The following PLEKHM3 variants were observed in gnomAD, a reference collection of about 807,000 sequenced individuals.
PLEKHM3 encodes pleckstrin homology domain-containing family M member 3.
A neutral mutation model predicts 81.8 loss-of-function variants in PLEKHM3; 45 were observed. The ratio of observed to expected loss-of-function variants is 0.55; its 90% CI spans 0.43 to 0.71. The LOEUF is 0.71. Among genes scored for constraint, PLEKHM3 ranks in the 30% least tolerant of loss-of-function variants. The pLI, the probability that PLEKHM3 is intolerant of heterozygous loss-of-function variation, is 0.00. For synonymous variants in PLEKHM3, 352 were observed against 356.4 expected, an observed-to-expected ratio of 0.99 and a Z score of 0.14; for missense variants, 788 against 924.3, an observed-to-expected ratio of 0.85 and a Z score of 1.91.
intron 3 of PLEKHM3, among the ~76,000 whole-genome samples, chr2:207,971,930 A>C (rs1047563446): frequency 7.2e-5 from 11 of 152,248 alleles, no homozygotes; most frequent in Non-Finnish European, 5.9e-5. Context: ...TTATAGGTCA[A>C]AAATGACTGA....
chr2:207,881,785 C>T (rs1190027284), intron 6 of PLEKHM3, among the ~76,000 whole-genome samples: 1 of 152,142 alleles, frequency 6.6e-6, no homozygotes, highest in Non-Finnish European at 1.5e-5. Context: ...TTCCCTTTCT[C>T]CTACTCTTTC....
intron 7 of PLEKHM3, among the ~76,000 whole-genome samples, chr2:207,859,263 C>T (rs1193367827): frequency 6.6e-6 from 1 of 151,476 alleles, no homozygotes; most frequent in East Asian, 1.9e-4. Flanking sequence ...CTCAGCCTCC[C>T]GAGCAGCTGG....
At chr2:207,950,156 A>G in intron 3 of PLEKHM3, among the ~76,000 whole-genome samples, 1 of 152,210 alleles carries the variant, frequency 6.6e-6, no homozygotes, top group African/African-American at 2.4e-5. Flanking sequence ...ATAAACACCT[A>G]CCTTTAGTCC....
rs1691318950 is a variant in PLEKHM3, at chr2:207,976,660, T to C, written c.1537A>G (p.Lys513Glu). Residue 513 changes from lysine to glutamate, a missense_variant, in exon 3 of 8, where the codon AAA (lysine) becomes GAA (glutamate). By Grantham distance (56) the Lys-to-Glu change is moderately conservative. Transcript: ENST00000427836. This position sits in a 1 kb window ranked among gnomAD's most constrained non-coding sequence, Gnocchi z 4.1. ...AAAATCTGCTTCATACCTGCACATT[T>C]GAAACTCTGAGCAGTGAGTCCTCGT... ...LERGLTAQSF[K>E]CAGCQRSIGL... The C allele has an allele frequency of 8.1e-6, 13 of 1,612,974 alleles. No individual in the cohort carries two copies. The highest frequency in any genetic ancestry group is 1.1e-5 in the Non-Finnish European group (13 of 1,179,388).
intron 5 of PLEKHM3, among the ~76,000 whole-genome samples, chr2:207,916,523 T>C (rs1364578443): frequency 6.6e-6 from 1 of 152,146 alleles, no homozygotes; most frequent in Non-Finnish European, 1.5e-5. Context: ...ATAGATCACC[T>C]GAGGTCAGGA....
intron 4 of PLEKHM3, among the ~76,000 whole-genome samples, chr2:207,938,930 C>G (rs139090945): frequency 5.1e-4 from 77 of 152,292 alleles, no homozygotes; most frequent in African/African-American, 1.8e-3. Context: ...CAAACAGACT[C>G]GGATCTCCTC....
chr2:207,843,836 T>C lies in PLEKHM3; in HGVS notation c.2109-15340A>G, dbSNP rs2022150. ...CGGGAGTGGTGGCTCATGCCTGTAA[T>C]CCCAGCAATTTGGGAGGCCAGGGCA... On this transcript the variant is annotated intron_variant, in intron 7 of 7. Coordinates refer to ENST00000427836, the MANE Select transcript of PLEKHM3 (RefSeq NM_001080475.3). This position sits in a 1 kb window ranked among gnomAD's most constrained non-coding sequence, Gnocchi z 4.4. 0.24 allele frequency among the ~76,000 whole-genome samples: 36,871 copies of C among 152,054 alleles called. 4,791 individuals are homozygous for C. The highest frequency in any genetic ancestry group is 0.29 in the Non-Finnish European group (19,604 of 67,972).
chr2:208,000,945 G>A (rs1400578617), intron 2 of PLEKHM3, 85 bp downstream of exon 2: 4 of 1,208,050 alleles, frequency 3.3e-6, no homozygotes, highest in African/African-American at 3.4e-5. Context: ...GTAGAAGTCA[G>A]ATATAAAAAC....
chr2:207,916,955 A>G (rs1310953925), intron 5 of PLEKHM3, among the ~76,000 whole-genome samples: 1 of 152,198 alleles, frequency 6.6e-6, no homozygotes, highest in Admixed American at 6.5e-5. Context: ...CACTGCAGAC[A>G]GTCTGTAGCA....
intron 2 of PLEKHM3, among the ~76,000 whole-genome samples, chr2:207,999,545 C>T (rs1466599663): frequency 6.6e-6 from 1 of 152,092 alleles, no homozygotes; most frequent in Non-Finnish European, 1.5e-5. Flanking sequence ...TTTGAGGCTG[C>T]AATGAGCTAC....
chr2:207,923,438 T>C (rs1689253131), intron 5 of PLEKHM3, among the ~76,000 whole-genome samples: 2 of 151,740 alleles, frequency 1.3e-5, no homozygotes, highest in Non-Finnish European at 2.9e-5. Context: ...AGAAACCCTG[T>C]CTCTACAAAA....
intron 2 of PLEKHM3, among the ~76,000 whole-genome samples, chr2:207,988,334 C>A (rs767431884): frequency 8.5e-5 from 13 of 152,300 alleles, no homozygotes; most frequent in Admixed American, 3.3e-4. Context: ...TTACTGCCTA[C>A]GTGACCGCTG....
chr2:208,024,097 C>T (rs1693222779), intron 1 of PLEKHM3, among the ~76,000 whole-genome samples: 1 of 150,218 alleles, frequency 6.7e-6, no homozygotes, highest in African/African-American at 2.5e-5. Flanking sequence ...GAGCCATGAT[C>T]ACGCCACTGT....
intron 3 of PLEKHM3, among the ~76,000 whole-genome samples, chr2:207,955,876 G>A (rs1272297424): frequency 1.3e-5 from 2 of 152,230 alleles, no homozygotes; most frequent in Non-Finnish European, 1.5e-5. Context: ...AAGATGAAGG[G>A]TGAGGGGAAG....
chr2:208,000,601 T>C (rs1343991764), intron 2 of PLEKHM3, among the ~76,000 whole-genome samples: 2 of 152,194 alleles, frequency 1.3e-5, no homozygotes, highest in African/African-American at 4.8e-5. Flanking sequence ...AGGGCAGGGA[T>C]TGTGTCTTCA....
At chr2:207,929,295 T>C (rs1488741947) in intron 5 of PLEKHM3, among the ~76,000 whole-genome samples, 1 of 152,234 alleles carries the variant, frequency 6.6e-6, no homozygotes, top group East Asian at 1.9e-4. Flanking sequence ...ACTGCTGGAA[T>C]TGAGTAGAGA....
chr2:207,908,450 A>G, intron 6 of PLEKHM3, 64 bp downstream of exon 6: 1 of 1,480,782 alleles, frequency 6.8e-7, no homozygotes, highest in South Asian at 1.2e-5. Flanking sequence ...TGCAAAGACC[A>G]AAGTCAACAA....
chr2:207,918,556 A>G (rs1391129253), intron 5 of PLEKHM3, among the ~76,000 whole-genome samples: 1 of 150,712 alleles, frequency 6.6e-6, no homozygotes, highest in African/African-American at 2.5e-5. Flanking sequence ...ACAAACAAAC[A>G]AACAAACAAA....
intron 7 of PLEKHM3, among the ~76,000 whole-genome samples, chr2:207,853,865 A>G (rs2092425386): frequency 6.6e-6 from 1 of 151,866 alleles, no homozygotes; most frequent in Non-Finnish European, 1.5e-5. Context: ...CCGCCTGCTG[A>G]GTTTGAGCGA....
Sources: gnomAD v4.1 joint callset for allele counts (sites outside exome capture counted in the v4.1 genomes callset) on GRCh38, gnomAD v4.1.1 for gene constraint, Gnocchi (gnomAD v3.1) non-coding constraint, MANE v1.5 for transcripts, NCBI Gene and HGNC (gene_info 2026-07-23, HGNC 2026-07-21) for gene names.